RAD52: variants seen among roughly 807,000 people sequenced by gnomAD.
RAD52 encodes the protein RAD52 DNA repair protein, also known as DNA repair protein RAD52 homolog.
In RAD52, 47 loss-of-function variants were observed where a neutral mutation model predicts 55.5. The ratio of observed to expected loss-of-function variants is 0.85; its 90% CI spans 0.67 to 1.08. RAD52 has a LOEUF of 1.08. Ranked by LOEUF, RAD52 falls within the 50% of genes least tolerant of loss-of-function variation. The probability of loss-of-function intolerance (pLI) is 0.00; values close to 1 mark genes in which losing one functional copy is unlikely to be tolerated. For synonymous variants in RAD52, 184 were observed against 198.9 expected (o/e 0.92, Z 0.63); for missense variants, 468 against 522.8 (o/e 0.90, Z 1.02).
intron 5 of RAD52, 117 bp from the exon 6 acceptor site, chr12:927,380 C>T: frequency 1.3e-6 from 1 of 761,538 alleles, no homozygotes; most frequent in Admixed American, 1.9e-5. Flanking sequence ...GGCCTTGCTA[C>T]AGGGGCACGG....
At chr12:922,887 G>A (rs1956813337) in intron 7 of RAD52, among the ~76,000 whole-genome samples, 1 of 151,956 alleles carries the variant, frequency 6.6e-6, no homozygotes. Context: ...CTGGAGTGCA[G>A]TAGTGCAATC....
At chr12:939,657 C>T (rs1339313130) in intron 1 of RAD52, among the ~76,000 whole-genome samples, 1 of 152,228 alleles carries the variant, frequency 6.6e-6, no homozygotes, top group South Asian at 2.1e-4. Context: ...ATACTACAAG[C>T]TTCTAATTAC....
intron 9 of RAD52, among the ~76,000 whole-genome samples, 161 bp from the exon 10 acceptor site, chr12:914,693 C>T (rs1288285029): frequency 1.3e-5 from 2 of 152,180 alleles, no homozygotes; most frequent in African/African-American, 2.4e-5. Flanking sequence ...TTCAGCTTCC[C>T]GAGTCCCAGT....
chr12:968,381 A>G (rs1190316512), intron 1 of RAD52, among the ~76,000 whole-genome samples: 1 of 152,020 alleles, frequency 6.6e-6, no homozygotes, highest in Non-Finnish European at 1.5e-5. Context: ...CAGCCACTAG[A>G]TAAGGCAGAA....
In RAD52 at chr12:912,582, CCAGA is replaced by C. The variant is rs1358282968; in HGVS notation, c.*805_*808del. 4 of 181,332 alleles carry C rather than the reference CCAGA, an allele frequency of 2.2e-5. No individual in the cohort carries two copies. Among genetic ancestry groups the C allele is most frequent in the East Asian group, 9.1e-5 (1 of 11,044 alleles). 11.2% of individuals were successfully genotyped at this position (181,332 alleles called of 1,614,324 possible). A position where few individuals can be genotyped will look rare whatever the true frequency, so the allele number is the denominator to read the frequency against. On this transcript the variant is annotated 3_prime_UTR_variant, in exon 12 of 12. Coordinates refer to ENST00000358495, the MANE Select transcript of RAD52 (RefSeq NM_134424.4). The stretch of plus-strand genomic sequence containing the variant: ...GCTTTCTCAAAAATGCCTTTTCTGG[CCAGA>C]CACAGTGGCTCACACCAGTAATCCC...
chr12:981,675 C>T (rs747973727), intron 1 of RAD52, among the ~76,000 whole-genome samples: 1 of 151,012 alleles, frequency 6.6e-6, no homozygotes. Flanking sequence ...GATAATCGCT[C>T]GAGCCCAGGA....
At chr12:975,571 G>C (rs1354463850) in intron 1 of RAD52, 1 of 152,216 alleles carries the variant, frequency 6.6e-6, no homozygotes, top group Non-Finnish European at 1.5e-5. Context: ...GAAGTAACCA[G>C]AAGTGGATGA....
chr12:917,033 T>C (rs897544742), intron 7 of RAD52, among the ~76,000 whole-genome samples: 5 of 152,212 alleles, frequency 3.3e-5, no homozygotes, highest in Non-Finnish European at 7.3e-5. Context: ...TTCTTTGGTT[T>C]TGACTTAGGG....
In RAD52 at chr12:925,493, A is replaced by G. The variant is rs763779337; in HGVS notation, c.500T>C (p.Leu167Pro). 4.3e-6 allele frequency: 7 copies of G among 1,613,902 alleles called. No individual in the cohort carries two copies. In the African/African-American group the frequency reaches 8.0e-5, roughly 18 times the overall value. The change falls in exon 7 of 12, where the codon CTG becomes CCG. Residue 167 changes from leucine to proline, a missense_variant. Physicochemically the swap from Leu to Pro is moderately conservative, Grantham distance 98 (BLOSUM62 -3). Transcript: ENST00000358495. ...TAGTGATCTCAGGTAGTCTTTGTCC[A>G]GAATACAGTTTCCAAGTGCATTCCC... ...SFGNALGNCI[L>P]DKDYLRSLNK...
intron 1 of RAD52, among the ~76,000 whole-genome samples, chr12:942,246 T>C (rs556074956): frequency 5.3e-5 from 8 of 152,220 alleles, no homozygotes; most frequent in African/African-American, 1.9e-4. Flanking sequence ...AACACAAGGA[T>C]TGAACAATGG....
intron 1 of RAD52, among the ~76,000 whole-genome samples, chr12:972,659 G>A (rs564433140): frequency 3.3e-5 from 5 of 151,784 alleles, no homozygotes; most frequent in Non-Finnish European, 5.9e-5. Flanking sequence ...CCAGCTACTC[G>A]GTAGGCTGAG....
chr12:957,377 C>T (rs1034979514), intron 1 of RAD52, among the ~76,000 whole-genome samples: 3 of 147,606 alleles, frequency 2.0e-5, no homozygotes, highest in Non-Finnish European at 3.0e-5. Flanking sequence ...GCAGGAGAAT[C>T]GCTTAAGCCC....
intron 1 of RAD52, among the ~76,000 whole-genome samples, chr12:964,932 G>A (rs1342238399): frequency 6.8e-6 from 1 of 146,742 alleles, no homozygotes; most frequent in Non-Finnish European, 1.5e-5. Flanking sequence ...TTCAGAAAAT[G>A]TATTATACTC....
Position 916,393 on chromosome 12 carries a change from C to T in RAD52, c.816G>A (p.Met272Ile). 6.2e-7 allele frequency: 1 copy of T among 1,608,936 alleles called. No individual in the cohort carries two copies. Among genetic ancestry groups the T allele is most frequent in the Non-Finnish European group, 8.5e-7 (1 of 1,179,700 alleles). Residue 272 changes from methionine to isoleucine, a missense_variant, in exon 9 of 12, where the codon ATG (methionine) becomes ATA (isoleucine). Transcript: ENST00000358495. ...KQLQQQFRER[M>I]EKQQVRVSTP... The stretch of plus-strand genomic sequence containing the variant: ...TGGAGACTCGAACCTGCTGCTTCTC[C>T]ATCCGCTCCCGGAACTGCTGCTGCA...
chr12:977,444 G>A (rs1219749247), intron 1 of RAD52, among the ~76,000 whole-genome samples: 1 of 152,158 alleles, frequency 6.6e-6, no homozygotes, highest in East Asian at 1.9e-4. Flanking sequence ...TGTCCCCTGA[G>A]GAAGGTCAAA....
chr12:975,705 T>G lies in RAD52; in HGVS notation c.-19+14104A>C, dbSNP rs77520440. On this transcript the variant is annotated intron_variant, in intron 1 of 11. Transcript: ENST00000430095. ...TAGCAGAAATTCTCTGAATAATTGC[T>G]AGCACTCACAAACTATCTTTCCACT... is the stretch of plus-strand genomic sequence containing the variant. 2.0e-5 allele frequency: 3 copies of G among 152,340 alleles called. No homozygotes were observed. The East Asian group carries it at 5.8e-4, about 29-fold the overall frequency. The allele number at this position is 152,340 out of a possible 1,614,324, so 9.4% of individuals were successfully genotyped here. A position where few individuals can be genotyped will look rare whatever the true frequency, so the allele number is the denominator to read the frequency against.
chr12:970,226 G>A (rs1013080430), intron 1 of RAD52, among the ~76,000 whole-genome samples: 1 of 146,390 alleles, frequency 6.8e-6, no homozygotes. Context: ...TGCTGAGGCA[G>A]GAGAATCACC....
rs187655400 is a variant in RAD52 at position 938,736 on chromosome 12, C to T, written c.-18-5660G>A. The stretch of plus-strand genomic sequence containing the variant: ...TTAAGAGGCATGACAACTAAATGCA[C>T]TGTGTGATCTTCAATGAAATTTCGG... On this transcript the variant is annotated intron_variant, in intron 1 of 11. Coordinates refer to ENST00000358495, the MANE Select transcript of RAD52 (RefSeq NM_134424.4). 2.0e-5 allele frequency among the ~76,000 whole-genome samples: 3 copies of T among 152,118 alleles called. No homozygotes were observed. In the East Asian group the frequency reaches 5.8e-4, roughly 29 times the overall value.
chr12:959,910 C>G (rs1206647240), intron 1 of RAD52, among the ~76,000 whole-genome samples: 2 of 152,064 alleles, frequency 1.3e-5, no homozygotes, highest in Non-Finnish European at 2.9e-5. Flanking sequence ...CTGTTTCAGC[C>G]TGATGTTCTC....
Sources: gnomAD v4.1 joint callset for allele counts (sites outside exome capture counted in the v4.1 genomes callset) on GRCh38, gnomAD v4.1.1 for gene constraint, MANE v1.5 for transcripts, NCBI Gene and HGNC (gene_info 2026-07-23, HGNC 2026-07-21) for gene names.